The following KCNH4 variants were observed in gnomAD, a reference collection of about 807,000 sequenced individuals.
KCNH4 encodes voltage-gated delayed rectifier potassium channel KCNH4.
In KCNH4, 33 loss-of-function variants were observed where a neutral mutation model predicts 90.7. The observed-to-expected ratio is 0.36, with a 90% CI of 0.28 to 0.49. The LOEUF is 0.49. KCNH4 is among the 20% of genes least tolerant of loss of function. The pLI is 0.98. For synonymous variants in KCNH4, 551 were observed against 581.7 expected (o/e 0.95, Z 0.76); for missense variants, 1,044 against 1,387.1 (o/e 0.75, Z 3.93).
chr17:42,171,166 G>GA (rs2079824619), intron 7 of KCNH4, among the ~76,000 whole-genome samples: 1 of 152,086 alleles, frequency 6.6e-6, no homozygotes, highest in Non-Finnish European at 1.5e-5. Flanking sequence ...TTGTGGGGGG[G>GA]ATGAGAAGGG....
At chr17:42,169,213 G>A (rs186831354) in intron 9 of KCNH4, among the ~76,000 whole-genome samples, 48 of 152,230 alleles carry the variant, frequency 3.2e-4, no homozygotes, top group African/African-American at 9.1e-4. Flanking sequence ...CCTAGTAGCT[G>A]GGATTACAGG....
chr17:42,163,839 G>A lies in KCNH4; in HGVS notation c.2244C>T (p.Asn748=). The change falls in exon 13 of 17, where the codon AAC becomes AAT. Residue 748 remains asparagine, a synonymous_variant. Coordinates refer to ENST00000264661, the MANE Select transcript of KCNH4 (RefSeq NM_012285.3). This position sits in a 1 kb window ranked among gnomAD's most constrained non-coding sequence, Gnocchi z 5.4. ...PRPRRPLLLP[N]LSPARPRGSL... ...AGCCCCGAGGCCGTGCTGGGCTGAG[G>A]TTGGGCAGCAGGAGGGGCCGTCGGG... 1 of 1,513,934 alleles carries A rather than the reference G, an allele frequency of 6.6e-7. No homozygotes were observed. The highest frequency in any genetic ancestry group is 8.8e-7 in the Non-Finnish European group (1 of 1,130,488). The allele number at this position is 1,513,934 out of a possible 1,614,324, so 93.8% of individuals were successfully genotyped here.
intron 6 of KCNH4, among the ~76,000 whole-genome samples, chr17:42,173,034 G>A (rs914047069): frequency 5.3e-5 from 8 of 151,810 alleles, no homozygotes; most frequent in Admixed American, 2.6e-4. Context: ...AGGGGTTGAC[G>A]GAGATAATGG....
At chr17:42,179,094 T>C (rs2079884414) in intron 1 of KCNH4, 68 bp from the exon 2 acceptor site, 5 of 1,144,086 alleles carry the variant, frequency 4.4e-6, no homozygotes, top group Non-Finnish European at 3.9e-6. Flanking sequence ...TGGGCAGCAC[T>C]TCCTCTAAGT....
chr17:42,162,628 T>A (rs1336699208), intron 14 of KCNH4, among the ~76,000 whole-genome samples: 1 of 151,928 alleles, frequency 6.6e-6, no homozygotes, highest in African/African-American at 2.4e-5. Flanking sequence ...GGTCTCACTC[T>A]GTTGCCCAGG....
intron 11 of KCNH4, 111 bp downstream of exon 11, chr17:42,165,338 T>C: frequency 7.4e-7 from 1 of 1,354,370 alleles, no homozygotes; most frequent in Admixed American, 1.9e-5. Context: ...TGCCTGGGCT[T>C]CAGGCATGTG....
At chr17:42,162,535 A>T (rs1483528049) in intron 14 of KCNH4, among the ~76,000 whole-genome samples, 1 of 151,442 alleles carries the variant, frequency 6.6e-6, no homozygotes, top group African/African-American at 2.4e-5. Flanking sequence ...CTTGGTACGG[A>T]GCTTCTCTTT....
Position 42,163,269 on chromosome 17 carries a change from C to T in KCNH4, c.2543G>A (p.Arg848Lys), listed in dbSNP as rs2079761356. ...AEAPSFRFSR[R>K]PELPRPRSQA... ...GGAGCGGGGCCTTGGCAGTTCAGGC[C>T]TCCTGCTGAATCGGAATGAAGGGGC... The change falls in exon 14 of 17, where the codon AGG (arginine) becomes AAG (lysine). Residue 848 changes from arginine to lysine, a missense_variant. This residue lies in a region of KCNH4 where 441 missense variants were observed against 512.3 expected (regional missense o/e 0.86). Transcript: ENST00000264661. The surrounding 1 kb of genome is among the most constrained non-coding windows in gnomAD (Gnocchi z 5.4). 1 of 1,614,134 alleles carries T rather than the reference C, an allele frequency of 6.2e-7. No homozygotes were observed. Among genetic ancestry groups the T allele is most frequent in the Non-Finnish European group, 8.5e-7 (1 of 1,180,024 alleles).
intron 16 of KCNH4, among the ~76,000 whole-genome samples, chr17:42,159,497 A>G (rs1190290784): frequency 6.6e-6 from 1 of 152,118 alleles, no homozygotes; most frequent in Non-Finnish European, 1.5e-5. Context: ...GGGTTGCTCA[A>G]ATTCCAAGCA....
At chr17:42,169,061 G>A (rs1368398287) in intron 9 of KCNH4, among the ~76,000 whole-genome samples, 1 of 150,402 alleles carries the variant, frequency 6.6e-6, no homozygotes, top group Non-Finnish European at 1.5e-5. Context: ...GTGAGCCACT[G>A]CGCTCAGCGC....
intron 9 of KCNH4, among the ~76,000 whole-genome samples, chr17:42,168,945 G>T (rs569919056): frequency 6.6e-6 from 1 of 151,832 alleles, no homozygotes; most frequent in Non-Finnish European, 1.5e-5. Flanking sequence ...CTAATTTTTT[G>T]TATTTTTAGT....
chr17:42,162,420 G>T (rs931578497), intron 14 of KCNH4, 99 bp from the exon 15 acceptor site: 2 of 1,009,708 alleles, frequency 2.0e-6, no homozygotes, highest in Non-Finnish European at 3.0e-6. Flanking sequence ...CGGAGAGCAG[G>T]GGGAGACAAA....
At position 42,166,499 on chromosome 17, in the gene KCNH4, G is replaced by T. The variant is rs769862529; in HGVS notation, c.1638C>A (p.His546Gln). ...GCAGCTGCAGGATCTCCCGATTCAG[G>T]TGCATAGCAATGTCAGCTCTCAGCT... ...PDELRADIAM[H>Q]LNREILQLPL... is the part of the protein sequence containing the mutation. The change falls in exon 10 of 17, where the codon CAC becomes CAA. Residue 546 changes from histidine (H) to glutamine (Q), a missense_variant. His to Gln is a conservative substitution (Grantham distance 24). This residue lies in a region of KCNH4 where 318 missense variants were observed against 479.6 expected (regional missense o/e 0.66). Transcript: ENST00000264661. 10 of 1,613,854 alleles carry T rather than the reference G, an allele frequency of 6.2e-6. No individual in the cohort carries two copies. Among genetic ancestry groups the T allele is most frequent in the Non-Finnish European group, 8.5e-6 (10 of 1,179,868 alleles).
At position 42,165,599 on chromosome 17, in the gene KCNH4, A is replaced by G; in HGVS notation, c.1935T>C (p.Asp645=). 1 of 1,614,206 alleles carries G rather than the reference A, an allele frequency of 6.2e-7. No homozygotes were observed. ...GGCCACAGTAGGTCAGAGCTTTCACATCAGCACTGGTCTTTAGCACGAAGT... is the reference window on the plus strand; with the variant it reads ...GGCCACAGTAGGTCAGAGCTTTCACGTCAGCACTGGTCTTTAGCACGAAGT... ...DPNFVLKTSA[D]VKALTYCGLQ... Residue 645 remains aspartate (D), a synonymous_variant, in exon 11 of 17, where the codon GAT becomes GAC. Coordinates refer to ENST00000264661, the MANE Select transcript of KCNH4 (RefSeq NM_012285.3).
At chr17:42,169,449 G>A (rs780123185) in intron 9 of KCNH4, 28 bp downstream of exon 9, 2 of 1,607,798 alleles carry the variant, frequency 1.2e-6, no homozygotes, top group African/African-American at 1.3e-5. Flanking sequence ...CGGAGGGCAA[G>A]GGCAAGATTG....
chr17:42,164,233 CTG>C lies in KCNH4; in HGVS notation c.2086-67_2086-66del. The C allele has an allele frequency of 2.2e-6, 3 of 1,392,268 alleles. No individual in the cohort carries two copies. The South Asian group carries it at 4.3e-5, about 20-fold the overall frequency. 86.2% of individuals were successfully genotyped at this position (1,392,268 alleles called of 1,614,324 possible). A position where few individuals can be genotyped will look rare whatever the true frequency, so the allele number is the denominator to read the frequency against. On this transcript the variant is annotated intron_variant, in intron 11 of 16. Transcript: ENST00000264661. ...CCCGCGGCCATAGCGCAGACCCTCC[CTG>C]TCCCACCCAACAGTGTTATGGGGTT... is the stretch of plus-strand genomic sequence containing the variant.
chr17:42,172,234 C>A (rs112433116), intron 6 of KCNH4, among the ~76,000 whole-genome samples: 3 of 150,172 alleles, frequency 2.0e-5, no homozygotes, highest in African/African-American at 7.4e-5. Context: ...GGTAGAGTCT[C>A]GCTCTGTAGC....
At position 42,178,225 on chromosome 17, in the gene KCNH4, T is replaced by C. The variant is rs758058425; in HGVS notation, c.460A>G (p.Asn154Asp). 3.7e-6 allele frequency: 6 copies of C among 1,614,190 alleles called. No individual in the cohort carries two copies. In the South Asian group the frequency reaches 6.6e-5, roughly 18 times the overall value. ...GTGGCTCCCCTTCTACCAAGGGAGT[T>C]TTCTGTTGGGAAGAAAGGTGCAGAG... is the stretch of plus-strand genomic sequence containing the variant. ...QGGRGDSNHE[N>D]SLGRRGATWK... is the part of the protein sequence containing the mutation. The change falls in exon 4 of 17, where the codon AAC becomes GAC. Residue 154 changes from asparagine (N) to aspartate (D), a missense_variant and splice_region_variant. Transcript: ENST00000264661.
Position 42,178,893 on chromosome 17 carries a change from G to C in KCNH4, c.210C>G (p.Leu70=). 1 of 1,614,220 alleles carries C rather than the reference G, an allele frequency of 6.2e-7. No homozygotes were observed. Among genetic ancestry groups the C allele is most frequent in the Non-Finnish European group, 8.5e-7 (1 of 1,180,038 alleles). ...VMQKTCSCRF[L]YGPETSEPAL... ...CTGGCTCACTGGTCTCTGGGCCGTAGAGGAAACGGCAGCTGCAGGTCTTCT... is the reference window on the plus strand; with the variant it reads ...CTGGCTCACTGGTCTCTGGGCCGTACAGGAAACGGCAGCTGCAGGTCTTCT... The change falls in exon 2 of 17, where the codon CTC becomes CTG. Residue 70 remains leucine, a synonymous_variant. Coordinates refer to ENST00000264661, the MANE Select transcript of KCNH4 (RefSeq NM_012285.3).
Sources: allele counts gnomAD v4.1 joint callset (sites outside exome capture counted in the v4.1 genomes callset), GRCh38; gene constraint gnomAD v4.1.1; regional missense constraint gnomAD v4.1.1; non-coding constraint Gnocchi (gnomAD v3.1); transcripts MANE v1.5; gene names NCBI Gene and HGNC (gene_info 2026-07-23, HGNC 2026-07-21).